The following CDKN2A variants were observed in gnomAD, a reference collection of about 807,000 sequenced individuals.
CDKN2A encodes cyclin dependent kinase inhibitor 2A.
Under a neutral mutation model 11.1 loss-of-function variants are expected in CDKN2A, and 3 were observed. The ratio of observed to expected loss-of-function variants is 0.27; its 90% CI spans 0.12 to 0.70. The LOEUF is 0.70. CDKN2A is among the 30% of genes least tolerant of loss of function. CDKN2A has a pLI of 0.77. For synonymous variants in CDKN2A, 122 were observed against 108.1 expected (o/e 1.13, Z -0.80); for missense variants, 265 against 233.6 (o/e 1.13, Z -0.88).
intron 1 of CDKN2A, 117 bp from the exon 2 acceptor site, chr9:21,971,325 T>G: frequency 4.6e-6 from 7 of 1,522,994 alleles, no homozygotes; most frequent in Non-Finnish European, 6.1e-6. Flanking sequence ...AGGTGTCTAA[T>G]TACCCCTACA....
At position 21,990,563 on chromosome 9, in the gene CDKN2A, T is replaced by A. The variant is rs143489243; in HGVS notation, c.-4+3319A>T. Among the ~76,000 whole-genome samples, 172 of 142,068 alleles carry A rather than the reference T, an allele frequency of 1.2e-3. 3 individuals carry two copies. Among genetic ancestry groups the A allele is most frequent in the African/African-American group, 4.3e-3 (165 of 38,420 alleles). 93.2% of individuals were successfully genotyped at this position (142,068 alleles called of 152,430 possible). ...ACGAAGAAAATAAATATCACCAAAC[T>A]TTTTCCCAACCCCTCTCATCCTGCG... On this transcript the variant is annotated intron_variant, in intron 2 of 3. Transcript: ENST00000494262.
intron 2 of CDKN2A, among the ~76,000 whole-genome samples, chr9:21,985,462 A>C (rs1820278675): frequency 6.6e-6 from 1 of 151,878 alleles, no homozygotes; most frequent in South Asian, 2.1e-4. Context: ...CACACACATA[A>C]TTTTTTATAC....
chr9:21,986,272 A>G (rs3731212), intron 2 of CDKN2A, among the ~76,000 whole-genome samples: 201 of 152,170 alleles, frequency 1.3e-3, no homozygotes, highest in Non-Finnish European at 2.4e-3. Context: ...TTGCTTTTAA[A>G]TTAAGGTAGG....
intron 1 of CDKN2A, chr9:21,971,494 T>G: frequency 1.6e-6 from 1 of 625,892 alleles, no homozygotes; most frequent in Non-Finnish European, 2.5e-6. Context: ...ACAGACTGAC[T>G]TTTACTCCAG....
At position 21,970,742 on chromosome 9, in the gene CDKN2A, G is replaced by A. The variant is rs1205266841; in HGVS notation, c.457+160C>T. On this transcript the variant is annotated intron_variant, in intron 2 of 2. Coordinates refer to ENST00000304494, the MANE Select transcript of CDKN2A (RefSeq NM_000077.5). ...TATTTCCCATTTGCCGCCCTGGCGG[G>A]GCAGGGCGATAGGGAGACTCAGGCC... 3.4e-6 allele frequency: 3 copies of A among 874,614 alleles called. No homozygotes were observed. In the East Asian group the frequency reaches 7.9e-5, roughly 23 times the overall value. 54.2% of individuals were successfully genotyped at this position (874,614 alleles called of 1,614,324 possible). A position where few individuals can be genotyped will look rare whatever the true frequency, so the allele number is the denominator to read the frequency against.
chr9:21,975,020 T>C, upstream of CDKN2A: 1 of 1,380,652 alleles, frequency 7.2e-7, no homozygotes, highest in South Asian at 1.7e-5. Flanking sequence ...GGGGACGCCG[T>C]GAGCGAGTGC....
chr9:21,969,260 C>A (rs1420505693), intron 2 of CDKN2A, among the ~76,000 whole-genome samples: 2 of 152,116 alleles, frequency 1.3e-5, no homozygotes, highest in African/African-American at 2.4e-5. Context: ...TCGTGGCGTG[C>A]ACCTGTGGTC....
intron 2 of CDKN2A, among the ~76,000 whole-genome samples, chr9:21,982,227 C>A (rs1461299371): frequency 1.3e-5 from 2 of 152,128 alleles, no homozygotes; most frequent in Non-Finnish European, 2.9e-5. Flanking sequence ...AATTTTCAAC[C>A]TTAGTTTCCA....
rs1225502350 is a variant in CDKN2A, at chr9:21,971,417, T to G, written c.151-209A>C. The G allele has an allele frequency of 7.0e-6, 10 of 1,429,608 alleles. No individual in the cohort carries two copies. The South Asian group carries it at 1.3e-4, about 19-fold the overall frequency. 88.6% of individuals were successfully genotyped at this position (1,429,608 alleles called of 1,614,324 possible). A position where few individuals can be genotyped will look rare whatever the true frequency, so the allele number is the denominator to read the frequency against. On this transcript the variant is annotated intron_variant, in intron 1 of 2. Coordinates refer to ENST00000304494, the MANE Select transcript of CDKN2A (RefSeq NM_000077.5). ...ATGAATTCCATTATATCCTCCGAACTTCTGCGGAGCTGTCGTCACAGGCAG... is the reference window on the plus strand; with the variant it reads ...ATGAATTCCATTATATCCTCCGAACGTCTGCGGAGCTGTCGTCACAGGCAG...
At position 21,974,771 on chromosome 9, in the gene CDKN2A, G is replaced by T. The variant is rs1060504186; in HGVS notation, c.57C>A (p.Ala19=). 1.2e-6 allele frequency: 2 copies of T among 1,607,516 alleles called. No homozygotes were observed. Among genetic ancestry groups the T allele is most frequent in the South Asian group, 2.2e-5 (2 of 90,960 alleles). Residue 19 remains alanine (A), a synonymous_variant, in exon 1 of 3, where the codon GCC becomes GCA. Coordinates refer to ENST00000304494, the MANE Select transcript of CDKN2A (RefSeq NM_000077.5). The surrounding 1 kb of genome is among the most constrained non-coding windows in gnomAD (Gnocchi z 5.2). ...MEPSADWLAT[A]AARGRVEEVR... is the part of the protein sequence containing the mutation. ...CCTCCTCTACCCGACCCCGGGCCGCGGCCGTGGCCAGCCAGTCAGCCGAAG... is the reference window on the plus strand; with the variant it reads ...CCTCCTCTACCCGACCCCGGGCCGCTGCCGTGGCCAGCCAGTCAGCCGAAG...
chr9:21,988,703 G>C lies in CDKN2A; in HGVS notation c.-4+5179C>G, dbSNP rs952216167. ...CAGTCGTACTCGAAACCTCAGCATG[G>C]TGCAATATACCTTTGTAATTAACCT... is the stretch of plus-strand genomic sequence containing the variant. On this transcript the variant is annotated intron_variant, in intron 2 of 3. Transcript: ENST00000494262. The surrounding 1 kb of genome is among the most constrained non-coding windows in gnomAD (Gnocchi z 4.1). Among the ~76,000 whole-genome samples the C allele has an allele frequency of 6.6e-6, 1 of 151,956 alleles. No individual in the cohort carries two copies. The highest frequency in any genetic ancestry group is 2.4e-5 in the African/African-American group (1 of 41,354).
Position 21,991,565 on chromosome 9 carries a change from A to G in CDKN2A, c.-4+2317T>C. The G allele has an allele frequency of 1.3e-6, 1 of 777,816 alleles. No individual in the cohort carries two copies. The highest frequency in any genetic ancestry group is 1.6e-6 in the Non-Finnish European group (1 of 640,616). The allele number at this position is 777,816 out of a possible 1,614,324, so 48.2% of individuals were successfully genotyped here. A position where few individuals can be genotyped will look rare whatever the true frequency, so the allele number is the denominator to read the frequency against. ...CTGTTGAACCTTGCTATAAAAAAGT[A>G]TTTTTGATACCATTTGTATCACTTT... On this transcript the variant is annotated intron_variant, in intron 2 of 3. Transcript: ENST00000494262. The surrounding 1 kb of genome is among the most constrained non-coding windows in gnomAD (Gnocchi z 5.2).
chr9:21,977,377 G>T (rs1820061930), upstream of CDKN2A, among the ~76,000 whole-genome samples: 1 of 152,042 alleles, frequency 6.6e-6, no homozygotes, highest in Admixed American at 6.6e-5. Context: ...GTTTTTTTGA[G>T]ATGGAGTTTC....
In CDKN2A at chr9:21,974,607, A is replaced by G. The variant is rs2131110920; in HGVS notation, c.150+71T>C. The G allele has an allele frequency of 1.2e-6, 2 of 1,613,830 alleles. No individual in the cohort carries two copies. The highest frequency in any genetic ancestry group is 2.2e-5 in the East Asian group (1 of 44,860). ...GAGAATCGAAGCGCTACCTGATTCC[A>G]ATTCCCCTGCAAACTTCGTCCTCCA... On this transcript the variant is annotated intron_variant, in intron 1 of 2. Coordinates refer to ENST00000304494, the MANE Select transcript of CDKN2A (RefSeq NM_000077.5). This position sits in a 1 kb window ranked among gnomAD's most constrained non-coding sequence, Gnocchi z 5.2.
chr9:21,991,954 T>C lies in CDKN2A; in HGVS notation c.-4+1928A>G, dbSNP rs974224889. 5 of 982,636 alleles carry C rather than the reference T, an allele frequency of 5.1e-6. No individual in the cohort carries two copies. The African/African-American group carries it at 8.7e-5, about 17-fold the overall frequency. 60.9% of individuals were successfully genotyped at this position (982,636 alleles called of 1,614,324 possible). On this transcript the variant is annotated intron_variant, in intron 2 of 3. Coordinates refer to the CDKN2A transcript ENST00000494262. This position sits in a 1 kb window ranked among gnomAD's most constrained non-coding sequence, Gnocchi z 5.2. ...GCCTTCTGAAGTAGCTATAAACAAA[T>C]GAATATTTAACTTCATAATAAAAAT...
chr9:21,993,994 G>A (rs1405645063), exon 2 of CDKN2A: 3 of 874,238 alleles, frequency 3.4e-6, no homozygotes, highest in African/African-American at 3.3e-5. Context: ...TGTCTAAGTC[G>A]TTGTAACCCG....
intron 1 of CDKN2A, among the ~76,000 whole-genome samples, chr9:21,973,215 T>C (rs1338797432): frequency 1.3e-5 from 2 of 152,126 alleles, no homozygotes; most frequent in African/African-American, 4.8e-5. Context: ...TAAATCATGA[T>C]AGAAATCCAA....
chr9:21,990,443 A>G (rs1820400132), intron 2 of CDKN2A, among the ~76,000 whole-genome samples: 1 of 152,146 alleles, frequency 6.6e-6, no homozygotes, highest in South Asian at 2.1e-4. Context: ...CTCTTAGTTC[A>G]TCCACTGTGT....
Position 21,968,419 on chromosome 9 carries a change from G to A in CDKN2A, c.458-177C>T, listed in dbSNP as rs1819516694. On this transcript the variant is annotated intron_variant, in intron 2 of 2. Coordinates refer to ENST00000304494, the MANE Select transcript of CDKN2A (RefSeq NM_000077.5). This position sits in a 1 kb window ranked among gnomAD's most constrained non-coding sequence, Gnocchi z 4.7. ...CGCTCTCCCACACCTCCCTGGTCCA[G>A]CAGCTAGTCCACTGCCCGCCTGGCT... is the stretch of plus-strand genomic sequence containing the variant. The A allele has an allele frequency of 1.0e-6, 1 of 981,940 alleles. No homozygotes were observed. The highest frequency in any genetic ancestry group is 1.2e-6 in the Non-Finnish European group (1 of 826,704). The allele number at this position is 981,940 out of a possible 1,614,324, so 60.8% of individuals were successfully genotyped here. A position where few individuals can be genotyped will look rare whatever the true frequency, so the allele number is the denominator to read the frequency against.
Sources: gnomAD v4.1 joint callset for allele counts (sites outside exome capture counted in the v4.1 genomes callset) on GRCh38, gnomAD v4.1.1 for gene constraint, Gnocchi (gnomAD v3.1) non-coding constraint, MANE v1.5 for transcripts, NCBI Gene and HGNC (gene_info 2026-07-23, HGNC 2026-07-21) for gene names.